Variants in NDST3 observed in about 807,000 individuals in gnomAD.
The protein encoded by NDST3 is bifunctional heparan sulfate N-deacetylase/N-sulfotransferase 3.
Under a neutral mutation model 96.1 loss-of-function variants are expected in NDST3, and 58 were observed. The observed-to-expected ratio is 0.60, with a 90% confidence interval of 0.49 to 0.75. The LOEUF (loss-of-function observed/expected upper bound fraction) is 0.75. Ranked by LOEUF, NDST3 falls within the 30% of genes least tolerant of loss-of-function variation. NDST3 has a pLI of 0.00. For synonymous variants in NDST3, 333 were observed against 359.7 expected (o/e 0.93, Z 0.84); for missense variants, 788 against 1,034.2 (o/e 0.76, Z 3.27).
chr4:118,208,625 C>CAGTT (rs1738597595), intron 6 of NDST3, among the ~76,000 whole-genome samples: 1 of 143,980 alleles, frequency 6.9e-6, no homozygotes, highest in Non-Finnish European at 1.5e-5. Flanking sequence ...AATAAAGGAA[C>CAGTT]AGTTCATGGG....
intron 4 of NDST3, among the ~76,000 whole-genome samples, chr4:118,131,848 A>G (rs538893585): frequency 9.9e-5 from 15 of 152,126 alleles, no homozygotes; most frequent in Admixed American, 5.9e-4. Context: ...GATCTAGAAG[A>G]AGGCTCTGGA....
intron 6 of NDST3, chr4:118,194,704 C>T (rs972067923): frequency 7.2e-5 from 41 of 569,088 alleles, no homozygotes; most frequent in African/African-American, 4.1e-4. Context: ...TGGGAAGAGG[C>T]GCCAACTGTG....
chr4:118,143,760 G>A, intron 6 of NDST3, 76 bp downstream of exon 6: 1 of 1,470,862 alleles, frequency 6.8e-7, no homozygotes, highest in Non-Finnish European at 9.1e-7. Flanking sequence ...AGAGGCTAGG[G>A]ATTGGGCAGT....
chr4:118,248,917 G>A (rs1741482956), intron 12 of NDST3, among the ~76,000 whole-genome samples: 1 of 152,110 alleles, frequency 6.6e-6, no homozygotes. Context: ...CAGTCCCTCA[G>A]GCCATTGGGT....
At chr4:118,181,399 T>C (rs1736601155) in intron 6 of NDST3, among the ~76,000 whole-genome samples, 1 of 152,076 alleles carries the variant, frequency 6.6e-6, no homozygotes, top group Admixed American at 6.6e-5. Flanking sequence ...CAGTTTGAGA[T>C]CTTGTTTTCC....
At chr4:118,219,656 C>T (rs986958878) in intron 6 of NDST3, among the ~76,000 whole-genome samples, 6 of 152,232 alleles carry the variant, frequency 3.9e-5, no homozygotes, top group Admixed American at 3.9e-4. Context: ...ACACCAAAAG[C>T]AATGGCAACA....
At chr4:118,038,699 T>C (rs1724282492) in intron 1 of NDST3, among the ~76,000 whole-genome samples, 1 of 152,214 alleles carries the variant, frequency 6.6e-6, no homozygotes, top group Non-Finnish European at 1.5e-5. Flanking sequence ...TTTTCAACAT[T>C]ATAAAATATA....
At chr4:118,113,845 T>C (rs1318191202) in intron 3 of NDST3, among the ~76,000 whole-genome samples, 3 of 152,132 alleles carry the variant, frequency 2.0e-5, no homozygotes, top group Non-Finnish European at 2.9e-5. Context: ...CTGCATAATT[T>C]TGAAATGACT....
chr4:118,107,011 AC>A (rs1291050044), intron 3 of NDST3, among the ~76,000 whole-genome samples: 4 of 152,094 alleles, frequency 2.6e-5, no homozygotes, highest in African/African-American at 9.7e-5. Flanking sequence ...AATGGCGTGA[AC>A]CCAGCAGGCG....
intron 6 of NDST3, among the ~76,000 whole-genome samples, chr4:118,150,639 C>T (rs1734324789): frequency 6.6e-6 from 1 of 151,480 alleles, no homozygotes; most frequent in African/African-American, 2.4e-5. Flanking sequence ...TGAAAAAATG[C>T]TCACCATCAC....
intron 4 of NDST3, among the ~76,000 whole-genome samples, chr4:118,119,307 T>C (rs560664112): frequency 2.4e-4 from 36 of 152,326 alleles, no homozygotes; most frequent in Non-Finnish European, 2.9e-5. Flanking sequence ...TTAAAATATA[T>C]TGAAAGACTT....
intron 1 of NDST3, among the ~76,000 whole-genome samples, chr4:118,053,163 T>C (rs1314196358): frequency 6.6e-6 from 1 of 152,016 alleles, no homozygotes; most frequent in African/African-American, 2.4e-5. Flanking sequence ...AATGCAACTA[T>C]GAAAATATGC....
intron 5 of NDST3, among the ~76,000 whole-genome samples, chr4:118,141,332 A>G (rs1193829692): frequency 6.6e-6 from 1 of 152,156 alleles, no homozygotes; most frequent in African/African-American, 2.4e-5. Context: ...GAACATGCTC[A>G]TCATTCGGTG....
intron 1 of NDST3, among the ~76,000 whole-genome samples, chr4:118,040,885 A>ATATATTTATATATATATATATT (rs1724419903): frequency 1.4e-5 from 2 of 142,556 alleles, no homozygotes; most frequent in African/African-American, 5.1e-5. Flanking sequence ...ATATATATTT[A>ATATATTTATATATATATATATT]TATATATATA....
chr4:118,137,828 C>T (rs1168137271), intron 4 of NDST3, among the ~76,000 whole-genome samples: 1 of 152,110 alleles, frequency 6.6e-6, no homozygotes, highest in Non-Finnish European at 1.5e-5. Flanking sequence ...CTAGATCTGT[C>T]TCACCACCCC....
chr4:118,157,534 T>G (rs970447118), intron 6 of NDST3, among the ~76,000 whole-genome samples: 2 of 151,698 alleles, frequency 1.3e-5, no homozygotes, highest in South Asian at 2.1e-4. Context: ...GCGATTCTCC[T>G]GCCTCAGCCT....
chr4:118,048,236 C>T (rs1028177608), intron 1 of NDST3, among the ~76,000 whole-genome samples: 4 of 152,120 alleles, frequency 2.6e-5, no homozygotes, highest in Middle Eastern at 3.4e-3. Flanking sequence ...GAGTGCTGAA[C>T]ATGGAATTGA....
At chr4:118,203,865 T>A (rs1738257628) in intron 6 of NDST3, among the ~76,000 whole-genome samples, 2 of 152,162 alleles carry the variant, frequency 1.3e-5, no homozygotes, top group African/African-American at 4.8e-5. Context: ...CAATAATTTT[T>A]TCCTACCTCA....
chr4:118,100,331 C>T (rs531324329), intron 2 of NDST3, among the ~76,000 whole-genome samples: 1 of 152,092 alleles, frequency 6.6e-6, no homozygotes, highest in African/African-American at 2.4e-5. Flanking sequence ...CACCCACCAC[C>T]ACCACCAATT....
Sources: allele counts gnomAD v4.1 joint callset (sites outside exome capture counted in the v4.1 genomes callset), GRCh38; gene constraint gnomAD v4.1.1; transcripts MANE v1.5; gene names NCBI Gene and HGNC (gene_info 2026-07-23, HGNC 2026-07-21).